SMAD3: variants seen among roughly 807,000 people sequenced by gnomAD.
SMAD3 encodes the protein MAD homolog 3.
In SMAD3, 12 loss-of-function variants were observed where a neutral mutation model predicts 51.8. The observed-to-expected ratio is 0.23, with a 90% CI of 0.15 to 0.38. The LOEUF is 0.38. Among genes scored for constraint, SMAD3 ranks in the 10% least tolerant of loss-of-function variants. The probability of loss-of-function intolerance (pLI) is 1.00; values close to 1 mark genes in which losing one functional copy is unlikely to be tolerated. For synonymous variants in SMAD3, 238 were observed against 227.7 expected (o/e 1.05, Z -0.41); for missense variants, 294 against 565.6 (o/e 0.52, Z 4.87).
Position 67,192,664 on chromosome 15 carries a change from G to A in SMAD3, c.*2128G>A, listed in dbSNP as rs1963396379. On this transcript the variant is annotated 3_prime_UTR_variant, in exon 9 of 9. Transcript: ENST00000327367. The stretch of plus-strand genomic sequence containing the variant: ...CACGATCCTATGAGGGCTTCCTGTG[G>A]CACACAGCCCTCTGGGTGCTTGGGA... The A allele has an allele frequency of 4.3e-6, 1 of 233,128 alleles. No individual in the cohort carries two copies. The highest frequency in any genetic ancestry group is 8.5e-6 in the Non-Finnish European group (1 of 117,950). The allele number at this position is 233,128 out of a possible 1,614,324, so 14.4% of individuals were successfully genotyped here. A position where few individuals can be genotyped will look rare whatever the true frequency, so the allele number is the denominator to read the frequency against.
chr15:67,127,407 G>T (rs1032986401), intron 1 of SMAD3, among the ~76,000 whole-genome samples: 3 of 152,048 alleles, frequency 2.0e-5, no homozygotes, highest in Non-Finnish European at 4.4e-5. Flanking sequence ...TCCTCCTCAG[G>T]CACCTCCTCC....
At chr15:67,076,128 T>A (rs1052865271) in intron 1 of SMAD3, among the ~76,000 whole-genome samples, 1 of 152,218 alleles carries the variant, frequency 6.6e-6, no homozygotes, top group Non-Finnish European at 1.5e-5. Flanking sequence ...TCAGTTGATA[T>A]AGGAAAAGGA....
At chr15:67,121,415 C>T (rs1201210411) in intron 1 of SMAD3, among the ~76,000 whole-genome samples, 1 of 152,064 alleles carries the variant, frequency 6.6e-6, no homozygotes, top group East Asian at 1.9e-4. Flanking sequence ...GGGTGTGCCC[C>T]ACATGTCAGT....
At position 67,193,088 on chromosome 15, in the gene SMAD3, G is replaced by A; in HGVS notation, c.*2552G>A. 1 of 233,336 alleles carries A rather than the reference G, an allele frequency of 4.3e-6. No homozygotes were observed. The highest frequency in any genetic ancestry group is 2.2e-5 in the African/African-American group (1 of 45,448). 14.5% of individuals were successfully genotyped at this position (233,336 alleles called of 1,614,324 possible). ...TGCTACATAGGTGCTTTGGGCGTAT[G>A]TAACATTAGTGTCCTTCCTTGAAGC... On this transcript the variant is annotated 3_prime_UTR_variant, in exon 9 of 9. Transcript: ENST00000327367.
At chr15:67,109,686 A>G (rs556252806) in intron 1 of SMAD3, among the ~76,000 whole-genome samples, 1 of 152,366 alleles carries the variant, frequency 6.6e-6, no homozygotes, top group Non-Finnish European at 1.5e-5. Context: ...TTAATGGACA[A>G]GGGATGAGTA....
Position 67,101,853 on chromosome 15 carries a change from T to A in SMAD3, c.206+35493T>A, listed in dbSNP as rs552767937. Among the ~76,000 whole-genome samples the A allele has an allele frequency of 2.0e-5, 3 of 152,334 alleles. No homozygotes were observed. In the South Asian group the frequency reaches 6.2e-4, roughly 32 times the overall value. On this transcript the variant is annotated intron_variant, in intron 1 of 8. Coordinates refer to ENST00000327367, the MANE Select transcript of SMAD3 (RefSeq NM_005902.4). Reference sequence around the variant, plus strand: ...CATGAGATGATGGACGTTAAAGTGCTTTGTTAGCTGTTGAGACTCTTACTG... The same window carrying A: ...CATGAGATGATGGACGTTAAAGTGCATTGTTAGCTGTTGAGACTCTTACTG...
At chr15:67,100,946 T>C (rs1960741044) in intron 1 of SMAD3, among the ~76,000 whole-genome samples, 1 of 152,178 alleles carries the variant, frequency 6.6e-6, no homozygotes, top group Non-Finnish European at 1.5e-5. Flanking sequence ...TTTATGTCTT[T>C]GGGTATGTTC....
At chr15:67,166,927 T>A in intron 4 of SMAD3, 74 bp downstream of exon 4, 1 of 1,144,444 alleles carries the variant, frequency 8.7e-7, no homozygotes, top group Non-Finnish European at 1.3e-6. Flanking sequence ...CATCCCTTCC[T>A]CTTCGCCCTC....
intron 1 of SMAD3, among the ~76,000 whole-genome samples, chr15:67,140,257 G>A (rs534466430): frequency 2.0e-5 from 3 of 152,310 alleles, no homozygotes; most frequent in South Asian, 4.1e-4. Context: ...TTGTCTCACC[G>A]CAAAAACCTC....
chr15:67,116,770 G>A (rs900330849), intron 1 of SMAD3, among the ~76,000 whole-genome samples: 2 of 152,112 alleles, frequency 1.3e-5, no homozygotes, highest in Non-Finnish European at 2.9e-5. Flanking sequence ...TGGTGATGGG[G>A]GTATCTGTTC....
chr15:67,150,847 C>CTTTTTTTTTTTTTTTTTTTTTTTTTTTTT (rs58914503), intron 1 of SMAD3, among the ~76,000 whole-genome samples: 1 of 14,668 alleles, frequency 6.8e-5, no homozygotes, highest in Non-Finnish European at 1.1e-4. Flanking sequence ...ATTTCTCAGT[C>CTTTTTTTTTTTTTTTTTTTTTTTTTTTTT]TTTTTTTTTT....
chr15:67,179,101 G>A (rs943134170), intron 5 of SMAD3, among the ~76,000 whole-genome samples: 1 of 152,188 alleles, frequency 6.6e-6, no homozygotes, highest in Non-Finnish European at 1.5e-5. Flanking sequence ...AAACAGCGCC[G>A]AGAGTAAAGA....
At chr15:67,186,907 C>A in intron 7 of SMAD3, 1 of 363,244 alleles carries the variant, frequency 2.8e-6, no homozygotes. Context: ...GGGGCACTGC[C>A]TGCTGTGGAA....
At chr15:67,072,156 T>C (rs1960068704) in intron 1 of SMAD3, among the ~76,000 whole-genome samples, 1 of 152,240 alleles carries the variant, frequency 6.6e-6, no homozygotes, top group Non-Finnish European at 1.5e-5. Context: ...TAAATATTGG[T>C]TTAATAATGT....
At position 67,191,831 on chromosome 15, in the gene SMAD3, A is replaced by G. The variant is rs1329443279; in HGVS notation, c.*1295A>G. ...TTCCCCCTGGGATATAAGATGATCT[A>G]GCTCCCGGTAGAGGATCACCGGTGA... On this transcript the variant is annotated 3_prime_UTR_variant, in exon 9 of 9. Transcript: ENST00000327367. 4.3e-6 allele frequency: 1 copy of G among 230,096 alleles called. No individual in the cohort carries two copies. The highest frequency in any genetic ancestry group is 8.6e-6 in the Non-Finnish European group (1 of 116,020). The allele number at this position is 230,096 out of a possible 1,614,324, so 14.3% of individuals were successfully genotyped here.
At chr15:67,175,705 C>T (rs559588889) in intron 5 of SMAD3, among the ~76,000 whole-genome samples, 1 of 152,262 alleles carries the variant, frequency 6.6e-6, no homozygotes, top group East Asian at 1.9e-4. Flanking sequence ...GCTGACAGGC[C>T]CGGCTTCCCC....
chr15:67,102,332 G>A (rs1449702166), intron 1 of SMAD3, among the ~76,000 whole-genome samples: 1 of 151,840 alleles, frequency 6.6e-6, no homozygotes, highest in African/African-American at 2.4e-5. Flanking sequence ...AGCCAGGAGA[G>A]TAGGATGAGT....
intron 5 of SMAD3, among the ~76,000 whole-genome samples, chr15:67,180,050 G>A (rs1963010285): frequency 6.6e-6 from 1 of 152,214 alleles, no homozygotes; most frequent in African/African-American, 2.4e-5. Context: ...GAGCGAGAAT[G>A]AGCAGGGGAC....
chr15:67,094,863 C>G (rs1179333368), intron 1 of SMAD3, among the ~76,000 whole-genome samples: 1 of 152,142 alleles, frequency 6.6e-6, no homozygotes, highest in East Asian at 1.9e-4. Context: ...GAGTTTTAAC[C>G]CAGTCTCTGG....
Sources: allele counts gnomAD v4.1 joint callset (sites outside exome capture counted in the v4.1 genomes callset), GRCh38; gene constraint gnomAD v4.1.1; transcripts MANE v1.5; gene names NCBI Gene and HGNC (gene_info 2026-07-23, HGNC 2026-07-21).